DNAAF5: variants seen among roughly 807,000 people sequenced by gnomAD.
DNAAF5 encodes HEAT repeat containing 2.
In DNAAF5, 64 loss-of-function variants were observed where a neutral mutation model predicts 75.8. That is an observed-to-expected ratio of 0.84 (90% CI 0.69 to 1.04). The LOEUF (loss-of-function observed/expected upper bound fraction) is 1.04, where lower values mean the gene tolerates loss of function less well. DNAAF5 is among the 50% of genes least tolerant of loss of function. The pLI, the probability that DNAAF5 is intolerant of heterozygous loss-of-function variation, is 0.00. For missense variants in DNAAF5, 1,269 were observed against 1,178.5 expected (o/e 1.08, Z -1.12); for synonymous variants, 657 against 557.2 (o/e 1.18, Z -2.52).
chr7:732,258 A>T (rs1199956475), intron 2 of DNAAF5, among the ~76,000 whole-genome samples: 1 of 152,246 alleles, frequency 6.6e-6, no homozygotes, highest in East Asian at 1.9e-4. Flanking sequence ...CCCCACGCTC[A>T]CATGACTGCA....
At chr7:782,927 C>T (rs941859190) in intron 12 of DNAAF5, among the ~76,000 whole-genome samples, 14 of 152,292 alleles carry the variant, frequency 9.2e-5, no homozygotes, top group African/African-American at 4.8e-5. Context: ...ACCTCCCCTC[C>T]GGCGGCATCA....
At position 754,945 on chromosome 7, in the gene DNAAF5, G is replaced by T. The variant is rs529048061; in HGVS notation, c.1257+124G>T. On this transcript the variant is annotated intron_variant, in intron 5 of 12. Coordinates refer to ENST00000297440, the MANE Select transcript of DNAAF5 (RefSeq NM_017802.4). This position sits in a 1 kb window ranked among gnomAD's most constrained non-coding sequence, Gnocchi z 4.8. ...ACAGCGTTCCCCTCACCCCCGGGCC[G>T]CAGGCCCTCCCCACACCCAGCCCCT... The T allele has an allele frequency of 2.9e-6, 2 of 691,294 alleles. No individual in the cohort carries two copies. The highest frequency in any genetic ancestry group is 1.8e-5 in the African/African-American group (1 of 55,488). 42.8% of individuals were successfully genotyped at this position (691,294 alleles called of 1,614,324 possible).
intron 2 of DNAAF5, among the ~76,000 whole-genome samples, chr7:734,437 GAATA>G (rs1444609316): frequency 6.6e-6 from 1 of 152,194 alleles, no homozygotes; most frequent in African/African-American, 2.4e-5. Flanking sequence ...TGCATTCCTG[GAATA>G]AATCTCACTT....
At chr7:777,330 A>G (rs1390256995) in intron 11 of DNAAF5, among the ~76,000 whole-genome samples, 1 of 152,180 alleles carries the variant, frequency 6.6e-6, no homozygotes, top group Non-Finnish European at 1.5e-5. Flanking sequence ...CCTCGCACCC[A>G]GCCCGGGAAG....
intron 11 of DNAAF5, among the ~76,000 whole-genome samples, chr7:775,545 T>G (rs1406141848): frequency 6.6e-6 from 1 of 152,148 alleles, no homozygotes; most frequent in African/African-American, 2.4e-5. Flanking sequence ...TGTGTATGGC[T>G]ACATATATAC....
intron 6 of DNAAF5, among the ~76,000 whole-genome samples, chr7:761,532 A>T (rs147520506): frequency 6.6e-6 from 1 of 152,358 alleles, no homozygotes; most frequent in African/African-American, 2.4e-5. Flanking sequence ...GGCAGGCGAG[A>T]GAGTGTGCAG....
chr7:727,313 C>A lies in DNAAF5; in HGVS notation c.593C>A (p.Pro198His). ...SCAAALAQAT[P>H]DHFHMQSESL... ...GCCGCCGCCCTGGCGCAGGCCACGCCCGGTGAGCACCCCGGGCCCCGCTCC... is the reference window on the plus strand; with the variant it reads ...GCCGCCGCCCTGGCGCAGGCCACGCACGGTGAGCACCCCGGGCCCCGCTCC... The change falls in exon 1 of 13, where the codon CCC becomes CAC. Residue 198 changes from proline to histidine, a missense_variant and splice_region_variant. By Grantham distance (77) the Pro-to-His change is moderately conservative. Coordinates refer to ENST00000297440, the MANE Select transcript of DNAAF5 (RefSeq NM_017802.4). 1 of 1,283,986 alleles carries A rather than the reference C, an allele frequency of 7.8e-7. No individual in the cohort carries two copies. 79.5% of individuals were successfully genotyped at this position (1,283,986 alleles called of 1,614,324 possible).
In DNAAF5 at chr7:727,264, G is replaced by C; in HGVS notation, c.544G>C (p.Val182Leu). ...CTCCCTGCTCGACCCCTTCGCCGCCGTGCGCCGCGAGAGCTGCAGCTGCGC... is the reference window on the plus strand; with the variant it reads ...CTCCCTGCTCGACCCCTTCGCCGCCCTGCGCCGCGAGAGCTGCAGCTGCGC... Reference protein sequence around the residue: ...RCSLLDPFAAVRRESCSCAAA... With the variant: ...RCSLLDPFAALRRESCSCAAA... Residue 182 changes from valine (V) to leucine (L), a missense_variant, in exon 1 of 13, where the codon GTG becomes CTG. Coordinates refer to ENST00000297440, the MANE Select transcript of DNAAF5 (RefSeq NM_017802.4). The C allele has an allele frequency of 7.5e-7, 1 of 1,327,522 alleles. No individual in the cohort carries two copies. The highest frequency in any genetic ancestry group is 9.6e-7 in the Non-Finnish European group (1 of 1,042,730). 82.2% of individuals were successfully genotyped at this position (1,327,522 alleles called of 1,614,324 possible).
In DNAAF5 at chr7:726,766, G is replaced by A. The variant is rs1781309739; in HGVS notation, c.46G>A (p.Ala16Thr). 4.8e-6 allele frequency: 6 copies of A among 1,261,564 alleles called. No individual in the cohort carries two copies. The highest frequency in any genetic ancestry group is 3.1e-5 in the East Asian group (1 of 31,860). 78.1% of individuals were successfully genotyped at this position (1,261,564 alleles called of 1,614,324 possible). Residue 16 changes from alanine (A) to threonine (T), a missense_variant, in exon 1 of 13, where the codon GCT (alanine) becomes ACT (threonine). Ala to Thr is a moderately conservative substitution (Grantham distance 58, BLOSUM62 0). Transcript: ENST00000297440. The stretch of plus-strand genomic sequence containing the variant: ...GGAGGCCGTGGCGGCCCCACACCCG[G>A]CTGAGGGGGCCGAGACGGCTGAGGC... ...VAEAVAAPHP[A>T]EGAETAEAVE...
intron 11 of DNAAF5, 139 bp from the exon 12 acceptor site, chr7:779,814 G>A (rs1778876277): frequency 1.0e-5 from 7 of 692,876 alleles, no homozygotes; most frequent in East Asian, 5.5e-5. Context: ...CGGGATGCAC[G>A]GAGTCTCCCG....
Position 764,664 on chromosome 7 carries a change from G to A in DNAAF5, c.1783+690G>A, listed in dbSNP as rs918453206. The stretch of plus-strand genomic sequence containing the variant: ...CTCTGCATCTGAGGATGCTAAGATC[G>A]TTCTTACACAATCTCTGTGCCTGGT... On this transcript the variant is annotated intron_variant, in intron 8 of 12. Coordinates refer to ENST00000297440, the MANE Select transcript of DNAAF5 (RefSeq NM_017802.4). 2.6e-5 allele frequency among the ~76,000 whole-genome samples: 4 copies of A among 152,312 alleles called. No homozygotes were observed. The East Asian group carries it at 5.8e-4, about 22-fold the overall frequency.
intron 11 of DNAAF5, among the ~76,000 whole-genome samples, chr7:775,514 GTGT>G (rs1562399992): frequency 3.4e-4 from 6 of 17,858 alleles, no homozygotes; most frequent in East Asian, 0.026. Flanking sequence ...AAGTAGGGGT[GTGT>G]GTGTGTGTGT....
At chr7:768,062 GGCGGAA>G (rs1778394800) in intron 8 of DNAAF5, among the ~76,000 whole-genome samples, 1 of 149,840 alleles carries the variant, frequency 6.7e-6, no homozygotes. Context: ...ACGTGGTCCG[GGCGGAA>G]GTGTCCGTGC....
chr7:743,877 G>T (rs1042842993), intron 4 of DNAAF5, among the ~76,000 whole-genome samples: 1 of 148,754 alleles, frequency 6.7e-6, no homozygotes, highest in Admixed American at 6.7e-5. Context: ...TGAACAGGTG[G>T]TATTTGGTTA....
intron 1 of DNAAF5, 159 bp downstream of exon 1, chr7:727,474 G>T: frequency 3.5e-6 from 1 of 286,380 alleles, no homozygotes; most frequent in Non-Finnish European, 5.8e-6. Flanking sequence ...TCCCCCACCC[G>T]CCTGCCCCAA....
intron 4 of DNAAF5, among the ~76,000 whole-genome samples, chr7:743,312 C>G (rs2128073773): frequency 6.6e-6 from 1 of 152,244 alleles, no homozygotes; most frequent in African/African-American, 2.4e-5. Context: ...GAAGTTGAGG[C>G]TGCGGTGAGC....
intron 10 of DNAAF5, among the ~76,000 whole-genome samples, chr7:774,469 G>A (rs1036771029): frequency 1.3e-5 from 2 of 152,222 alleles, no homozygotes; most frequent in South Asian, 2.1e-4. Flanking sequence ...GCTCATGAGC[G>A]TGCGGTTTCT....
At chr7:730,514 C>T (rs1397059224) in intron 2 of DNAAF5, among the ~76,000 whole-genome samples, 1 of 152,172 alleles carries the variant, frequency 6.6e-6, no homozygotes, top group Admixed American at 6.5e-5. Flanking sequence ...TTCCAGGTTT[C>T]AGCCTTGAAG....
intron 2 of DNAAF5, among the ~76,000 whole-genome samples, chr7:738,286 G>A (rs1781797076): frequency 6.6e-6 from 1 of 151,996 alleles, no homozygotes; most frequent in Non-Finnish European, 1.5e-5. Flanking sequence ...TTCAATATCT[G>A]TTAATTTCTC....
Sources: allele counts gnomAD v4.1 joint callset (sites outside exome capture counted in the v4.1 genomes callset), GRCh38; gene constraint gnomAD v4.1.1; non-coding constraint Gnocchi (gnomAD v3.1); transcripts MANE v1.5; gene names NCBI Gene and HGNC (gene_info 2026-07-23, HGNC 2026-07-21).